Variants in PDE7B observed in about 807,000 individuals in gnomAD.
PDE7B encodes phosphodiesterase 7B, also known as 3',5'-cyclic-AMP phosphodiesterase 7B.
PDE7B carries 29 observed loss-of-function variants against 56.2 expected under a neutral mutation model. The observed-to-expected ratio is 0.52, with a 90% CI of 0.38 to 0.70. The LOEUF is 0.70. Ranked by LOEUF, PDE7B falls within the 30% of genes least tolerant of loss-of-function variation. The probability of loss-of-function intolerance (pLI) is 0.00; values close to 1 mark genes in which losing one functional copy is unlikely to be tolerated. For missense variants in PDE7B, 490 were observed against 565.0 expected, an observed-to-expected ratio of 0.87 and a Z score of 1.35; for synonymous variants, 197 against 196.9, an observed-to-expected ratio of 1.00 and a Z score of 0.00.
At chr6:136,064,478 T>C (rs73564656) in intron 2 of PDE7B, 4,134 of 152,320 alleles carry the variant, frequency 0.027, 176 homozygotes, top group African/African-American at 0.092. Flanking sequence ...TGTTACCCAG[T>C]GTTCTCAAAT....
intron 1 of PDE7B, among the ~76,000 whole-genome samples, chr6:135,896,934 C>T (rs1775912452): frequency 6.6e-6 from 1 of 152,090 alleles, no homozygotes; most frequent in Non-Finnish European, 1.5e-5. Flanking sequence ...TATGCTCTTT[C>T]CTCTGCCTGA....
chr6:135,995,963 G>T (rs1032332293), intron 2 of PDE7B, among the ~76,000 whole-genome samples: 1 of 151,860 alleles, frequency 6.6e-6, no homozygotes, highest in Non-Finnish European at 1.5e-5. Context: ...TAAATAAATG[G>T]ATACACACAT....
At chr6:136,077,706 AAATT>A (rs1777146212) in intron 2 of PDE7B, among the ~76,000 whole-genome samples, 2 of 152,234 alleles carry the variant, frequency 1.3e-5, no homozygotes, top group South Asian at 2.1e-4. Flanking sequence ...TAAATTTTTA[AAATT>A]ATTATGGTAT....
intron 1 of PDE7B, among the ~76,000 whole-genome samples, chr6:135,932,152 A>T (rs1335352228): frequency 6.6e-6 from 1 of 152,206 alleles, no homozygotes; most frequent in Non-Finnish European, 1.5e-5. Flanking sequence ...ATGTTAACTT[A>T]GGCTCAAAAA....
intron 11 of PDE7B, among the ~76,000 whole-genome samples, chr6:136,186,013 C>T (rs1223303676): frequency 6.6e-6 from 1 of 151,966 alleles, no homozygotes; most frequent in African/African-American, 2.4e-5. Context: ...CTCCTTTGAT[C>T]TTCTATTAGG....
At chr6:136,057,238 C>T (rs1181627802) in intron 2 of PDE7B, among the ~76,000 whole-genome samples, 1 of 152,158 alleles carries the variant, frequency 6.6e-6, no homozygotes, top group Non-Finnish European at 1.5e-5. Flanking sequence ...TTATCTTATC[C>T]TTGAAGATCA....
chr6:135,967,485 T>C (rs1253541145), intron 2 of PDE7B, among the ~76,000 whole-genome samples: 1 of 152,152 alleles, frequency 6.6e-6, no homozygotes, highest in Admixed American at 6.5e-5. Context: ...TGAATAGAAT[T>C]GCTAGCACCA....
chr6:136,021,169 C>T (rs1417259090), intron 2 of PDE7B, among the ~76,000 whole-genome samples: 1 of 152,182 alleles, frequency 6.6e-6, no homozygotes, highest in Admixed American at 6.5e-5. Flanking sequence ...GTACTCTATA[C>T]TCAGACTACC....
intron 2 of PDE7B, among the ~76,000 whole-genome samples, chr6:135,987,689 G>T (rs1209748351): frequency 6.6e-6 from 1 of 152,018 alleles, no homozygotes; most frequent in Non-Finnish European, 1.5e-5. Context: ...TCTTTCTTCT[G>T]AAGAAGAAAG....
At chr6:135,956,353 G>C (rs1421612103) in intron 2 of PDE7B, among the ~76,000 whole-genome samples, 1 of 152,146 alleles carries the variant, frequency 6.6e-6, no homozygotes, top group Admixed American at 6.6e-5. Flanking sequence ...ATGAGATAAA[G>C]CCTAAAAAGT....
At chr6:136,039,354 G>T (rs183673087) in intron 2 of PDE7B, among the ~76,000 whole-genome samples, 1 of 152,138 alleles carries the variant, frequency 6.6e-6, no homozygotes. Context: ...AAAGTGGTGG[G>T]TTCACTTCAG....
chr6:135,979,363 C>A (rs1775252593), intron 2 of PDE7B, among the ~76,000 whole-genome samples: 1 of 151,770 alleles, frequency 6.6e-6, no homozygotes, highest in Non-Finnish European at 1.5e-5. Context: ...CTCTGCCCGG[C>A]TTTGGTATCA....
At chr6:135,910,063 G>A (rs1386421190) in intron 1 of PDE7B, among the ~76,000 whole-genome samples, 2 of 152,230 alleles carry the variant, frequency 1.3e-5, no homozygotes, top group African/African-American at 2.4e-5. Flanking sequence ...GGGAATAGGT[G>A]AGGATATCCA....
intron 1 of PDE7B, among the ~76,000 whole-genome samples, chr6:135,899,695 A>C: frequency 6.6e-6 from 1 of 152,026 alleles, no homozygotes. Flanking sequence ...AAGTATACAA[A>C]TATAATAATT....
At chr6:136,164,730 A>G (rs2128449032) in intron 8 of PDE7B, among the ~76,000 whole-genome samples, 1 of 152,318 alleles carries the variant, frequency 6.6e-6, no homozygotes, top group Admixed American at 6.5e-5. Context: ...TGACAATAAA[A>G]GATTTTCACA....
chr6:136,195,424 CTG>C lies in PDE7B; in HGVS notation c.*3588_*3589del, dbSNP rs922545146. 1 of 126,000 alleles carries C rather than the reference CTG, an allele frequency of 7.9e-6. No individual in the cohort carries two copies. Among genetic ancestry groups the C allele is most frequent in the Non-Finnish European group, 1.6e-5 (1 of 63,714 alleles). The allele number at this position is 126,000 out of a possible 1,614,324, so 7.8% of individuals were successfully genotyped here. On this transcript the variant is annotated 3_prime_UTR_variant, in exon 13 of 13. Transcript: ENST00000308191. The stretch of plus-strand genomic sequence containing the variant: ...TGTTCTTTTAAACAAATCCTTTAAA[CTG>C]TGTCATTTTGTATACACATGTGAGG...
chr6:135,902,209 T>G (rs943382597), intron 1 of PDE7B, among the ~76,000 whole-genome samples: 2 of 152,168 alleles, frequency 1.3e-5, no homozygotes, highest in African/African-American at 4.8e-5. Context: ...TTTCAATATG[T>G]TCAACTTTCA....
chr6:135,979,026 C>G (rs1187028395), intron 2 of PDE7B, among the ~76,000 whole-genome samples: 1 of 151,982 alleles, frequency 6.6e-6, no homozygotes, highest in Non-Finnish European at 1.5e-5. Context: ...TCATAGACAG[C>G]TCTTATTATT....
intron 2 of PDE7B, among the ~76,000 whole-genome samples, chr6:135,978,975 C>G (rs1775243971): frequency 6.6e-6 from 1 of 151,940 alleles, no homozygotes; most frequent in Non-Finnish European, 1.5e-5. Flanking sequence ...GGGAATGCTT[C>G]CAGTTTTTGC....
Sources: allele counts gnomAD v4.1 joint callset (sites outside exome capture counted in the v4.1 genomes callset), GRCh38; gene constraint gnomAD v4.1.1; transcripts MANE v1.5; gene names NCBI Gene and HGNC (gene_info 2026-07-23, HGNC 2026-07-21).